Variants in AOPEP observed in about 807,000 individuals in gnomAD.
The protein encoded by AOPEP is aminopeptidase O (putative), also known as aminopeptidase O.
AOPEP carries 77 observed loss-of-function variants against 98.1 expected under a neutral mutation model. The observed-to-expected ratio is 0.78, with a 90% CI of 0.65 to 0.95. The LOEUF (loss-of-function observed/expected upper bound fraction) is 0.95, where lower values mean the gene tolerates loss of function less well. Among genes scored for constraint, AOPEP ranks in the 40% least tolerant of loss-of-function variants. AOPEP has a pLI of 0.00. For missense variants in AOPEP, 1,024 were observed against 1,024.7 expected (o/e 1.00, Z 0.01); for synonymous variants, 346 against 365.3 (o/e 0.95, Z 0.60).
chr9:94,771,944 C>G (rs1202889835), intron 2 of AOPEP, among the ~76,000 whole-genome samples: 2 of 152,090 alleles, frequency 1.3e-5, no homozygotes, highest in African/African-American at 4.8e-5. Context: ...TTGTTAAGAC[C>G]TAGACTGGTT....
chr9:94,760,169 A>G lies in AOPEP; in HGVS notation c.386A>G (p.Lys129Arg). ...QEHASGISSS[K>R]YCCDTGNHGS... ...CATGCTTCTGGGATTTCTAGCTCAA[A>G]GTACTGCTGTGACACAGGGAATCAT... is the stretch of plus-strand genomic sequence containing the variant. The change falls in exon 2 of 17, where the codon AAG (lysine) becomes AGG (arginine). Residue 129 changes from lysine (K) to arginine (R), a missense_variant. This residue lies in a region of AOPEP where 440 missense variants were observed against 433.8 expected (regional missense o/e 1.01). Transcript: ENST00000375315. 1 of 1,614,212 alleles carries G rather than the reference A, an allele frequency of 6.2e-7. No homozygotes were observed. Among genetic ancestry groups the G allele is most frequent in the South Asian group, 1.1e-5 (1 of 91,090 alleles).
intron 13 of AOPEP, among the ~76,000 whole-genome samples, chr9:95,027,042 C>A (rs1377915500): frequency 6.6e-6 from 1 of 152,154 alleles, no homozygotes; most frequent in Admixed American, 6.5e-5. Flanking sequence ...GGGTGGATCG[C>A]TTGAACCTAG....
At chr9:95,106,953 TG>T in the AOPEP span, 1 of 1,039,064 alleles carries the variant, frequency 9.6e-7, no homozygotes. Flanking sequence ...TTATCTGTGC[TG>T]GGCAGCATCC....
At chr9:95,042,427 T>A (rs1208091176) in intron 13 of AOPEP, among the ~76,000 whole-genome samples, 1 of 152,222 alleles carries the variant, frequency 6.6e-6, no homozygotes, top group East Asian at 1.9e-4. Context: ...GCAATGACAT[T>A]GATTATGAGG....
intron 5 of AOPEP, among the ~76,000 whole-genome samples, chr9:94,860,025 A>C (rs905574877): frequency 2.0e-5 from 3 of 152,208 alleles, no homozygotes; most frequent in African/African-American, 7.2e-5. Flanking sequence ...ATTCTCAAAA[A>C]TGGAGTACGA....
At chr9:95,011,001 A>T (rs2062460378) in intron 13 of AOPEP, among the ~76,000 whole-genome samples, 1 of 152,114 alleles carries the variant, frequency 6.6e-6, no homozygotes, top group African/African-American at 2.4e-5. Flanking sequence ...TAATGTATTA[A>T]AGTTTCTGTA....
chr9:94,890,683 A>G (rs1479640873), intron 5 of AOPEP, among the ~76,000 whole-genome samples: 1 of 151,726 alleles, frequency 6.6e-6, no homozygotes, highest in Non-Finnish European at 1.5e-5. Flanking sequence ...TTTTTCATTC[A>G]GTTCTGTGTA....
rs572834294 is a variant in AOPEP, at chr9:94,959,372, T to C, written c.1872+3357T>C. 2.0e-5 allele frequency among the ~76,000 whole-genome samples: 3 copies of C among 151,670 alleles called. No individual in the cohort carries two copies. The East Asian group carries it at 5.8e-4, about 29-fold the overall frequency. ...TTGTGACGATTACAGTCCAACTTAA[T>C]TTTTTTTTGCATGTGAATATCCAGT... On this transcript the variant is annotated intron_variant, in intron 9 of 16. Transcript: ENST00000375315.
Position 94,744,489 on chromosome 9 carries a change from T to C in AOPEP, c.-135-15160T>C, listed in dbSNP as rs1833988348. On this transcript the variant is annotated intron_variant, in intron 1 of 16. Coordinates refer to ENST00000375315, the MANE Select transcript of AOPEP (RefSeq NM_001193329.3). ...GCCAAGGTGGGCGGATCACCTGAGG[T>C]TGGGAGTTCGAGACCAGCCTGACCA... Among the ~76,000 whole-genome samples the C allele has an allele frequency of 2.0e-5, 3 of 151,606 alleles. No homozygotes were observed. In the South Asian group the frequency reaches 6.2e-4, roughly 32 times the overall value.
intron 5 of AOPEP, among the ~76,000 whole-genome samples, chr9:94,877,427 CTTTTTTTTTTTT>C (rs11299818): frequency 2.4e-5 from 3 of 124,842 alleles, no homozygotes; most frequent in Admixed American, 8.2e-5. Flanking sequence ...TTTTTCTTTT[CTTTTTTTTTTTT>C]TTTGAGACAG....
chr9:95,085,813 C>T (rs1288343343), intron 16 of AOPEP: 3 of 947,000 alleles, frequency 3.2e-6, no homozygotes, highest in Non-Finnish European at 4.1e-6. Context: ...AAACCAAATG[C>T]ATCACCTAAG....
intron 11 of AOPEP, among the ~76,000 whole-genome samples, chr9:94,990,827 C>T (rs2060847955): frequency 6.6e-6 from 1 of 152,002 alleles, no homozygotes; most frequent in South Asian, 2.1e-4. Flanking sequence ...AGGGTTTCAC[C>T]ATGTTGGCCA....
chr9:95,113,188 G>C, the AOPEP span, among the ~76,000 whole-genome samples: 1 of 152,168 alleles, frequency 6.6e-6, no homozygotes, highest in African/African-American at 2.4e-5. Context: ...TTTTTGTCTG[G>C]TCTCTGTCGG....
chr9:95,114,649 T>C, the AOPEP span: 2 of 1,614,178 alleles, frequency 1.2e-6, no homozygotes, highest in South Asian at 2.2e-5. Context: ...GGTCTTCAAC[T>C]GCTTCTCTGA....
chr9:94,904,461 TC>T (rs2050860368), intron 5 of AOPEP: 1 of 152,344 alleles, frequency 6.6e-6, no homozygotes, highest in Non-Finnish European at 1.5e-5. Flanking sequence ...GTGAGTTGTT[TC>T]TTTTGGGCTT....
chr9:94,840,065 G>A (rs2042102555), intron 5 of AOPEP, among the ~76,000 whole-genome samples: 1 of 152,156 alleles, frequency 6.6e-6, no homozygotes, highest in Non-Finnish European at 1.5e-5. Flanking sequence ...ACCTCGTCTG[G>A]CCTCTTTTTC....
chr9:95,110,400 G>A, the AOPEP span: 1 of 1,024,070 alleles, frequency 9.8e-7, no homozygotes, highest in Non-Finnish European at 1.2e-6. Context: ...TCTTATTACT[G>A]TTAAAAACAT....
At chr9:94,907,509 A>G (rs1445047525) in intron 5 of AOPEP, among the ~76,000 whole-genome samples, 1 of 152,064 alleles carries the variant, frequency 6.6e-6, no homozygotes, top group Non-Finnish European at 1.5e-5. Context: ...GTCATGCATC[A>G]GGTTGTTTTC....
At chr9:94,874,420 C>T (rs1303533577) in intron 5 of AOPEP, among the ~76,000 whole-genome samples, 1 of 151,826 alleles carries the variant, frequency 6.6e-6, no homozygotes, top group Non-Finnish European at 1.5e-5. Context: ...AATGATAATA[C>T]TTTATACAGA....
Sources: gnomAD v4.1 joint callset for allele counts (sites outside exome capture counted in the v4.1 genomes callset) on GRCh38, gnomAD v4.1.1 for gene constraint, gnomAD v4.1.1 regional missense constraint, MANE v1.5 for transcripts, NCBI Gene and HGNC (gene_info 2026-07-23, HGNC 2026-07-21) for gene names.